PLXNA2: variants seen among roughly 807,000 people sequenced by gnomAD.
The protein encoded by PLXNA2 is plexin A2.
A neutral mutation model predicts 193.5 loss-of-function variants in PLXNA2; 91 were observed. That is an observed-to-expected ratio of 0.47 (90% CI 0.40 to 0.56). The LOEUF is 0.56. Ranked by LOEUF, PLXNA2 falls within the 20% of genes least tolerant of loss-of-function variation. The pLI is 0.00. For missense variants in PLXNA2, 1,995 were observed against 2,503.2 expected (o/e 0.80, Z 4.33); for synonymous variants, 997 against 1,027.3 (o/e 0.97, Z 0.56).
intron 1 of PLXNA2, among the ~76,000 whole-genome samples, chr1:208,240,930 C>T (rs1672031163): frequency 6.6e-6 from 1 of 152,150 alleles, no homozygotes; most frequent in Admixed American, 6.5e-5. Flanking sequence ...TTGCCTCCCC[C>T]ACACCAAACC....
chr1:208,190,933 A>G (rs190972564), intron 3 of PLXNA2, among the ~76,000 whole-genome samples: 2 of 152,310 alleles, frequency 1.3e-5, no homozygotes, highest in East Asian at 3.9e-4. Flanking sequence ...TGGACCCCAG[A>G]AGGTTGATGG....
intron 4 of PLXNA2, among the ~76,000 whole-genome samples, chr1:208,113,033 C>G (rs1667535722): frequency 7.0e-6 from 1 of 142,812 alleles, no homozygotes. Context: ...AACAGAGATG[C>G]TGATACTGTG....
intron 12 of PLXNA2, 46 bp from the exon 13 acceptor site, chr1:208,060,883 C>T (rs41283122): frequency 7.6e-6 from 12 of 1,584,934 alleles, no homozygotes; most frequent in Non-Finnish European, 1.0e-5. Flanking sequence ...GTCACAGGAA[C>T]AGAAACAGCA....
intron 24 of PLXNA2, 71 bp downstream of exon 24, chr1:208,039,550 T>G: frequency 6.3e-7 from 1 of 1,596,154 alleles, no homozygotes; most frequent in Non-Finnish European, 8.6e-7. Context: ...ACTGCTTTTA[T>G]GGACAGAAGG....
intron 12 of PLXNA2, among the ~76,000 whole-genome samples, chr1:208,077,577 C>G (rs1413758521): frequency 6.6e-6 from 1 of 152,168 alleles, no homozygotes; most frequent in East Asian, 1.9e-4. Flanking sequence ...GATGTAGAGA[C>G]TGACAACTGC....
intron 4 of PLXNA2, among the ~76,000 whole-genome samples, chr1:208,135,981 C>T (rs573753871): frequency 6.6e-5 from 10 of 152,172 alleles, no homozygotes; most frequent in Non-Finnish European, 1.5e-4. Flanking sequence ...TCAGCTGCCA[C>T]AAGCAAGAAT....
At chr1:208,140,216 G>C (rs915570402) in intron 4 of PLXNA2, among the ~76,000 whole-genome samples, 1 of 152,168 alleles carries the variant, frequency 6.6e-6, no homozygotes, top group Non-Finnish European at 1.5e-5. Context: ...CTCAGAGATG[G>C]CATCAGATAT....
chr1:208,202,790 T>C (rs1282169437), intron 3 of PLXNA2, among the ~76,000 whole-genome samples: 1 of 152,220 alleles, frequency 6.6e-6, no homozygotes, highest in Non-Finnish European at 1.5e-5. Flanking sequence ...CACAGTTCTC[T>C]GTGTTTCACC....
At position 208,025,473 on chromosome 1, in the gene PLXNA2, C is replaced by T. The variant is rs1238098159; in HGVS notation, c.*1770G>A. 6.6e-6 allele frequency: 1 copy of T among 152,392 alleles called. No individual in the cohort carries two copies. The highest frequency in any genetic ancestry group is 1.5e-5 in the Non-Finnish European group (1 of 68,164). The allele number at this position is 152,392 out of a possible 1,614,324, so 9.4% of individuals were successfully genotyped here. On this transcript the variant is annotated 3_prime_UTR_variant, in exon 32 of 32. Transcript: ENST00000367033. ...CAGCATCATAGCCTAGGATTCCTGA[C>T]CCTTTGAAAAGTGAGGAAGGGCAGC...
intron 13 of PLXNA2, among the ~76,000 whole-genome samples, 165 bp downstream of exon 13, chr1:208,060,521 G>C (rs1337474058): frequency 6.6e-6 from 1 of 152,180 alleles, no homozygotes; most frequent in Non-Finnish European, 1.5e-5. Context: ...CCTGAGGGTG[G>C]AGGTGAGGGA....
In PLXNA2 at chr1:208,239,317, T is replaced by A. The variant is rs75333806; in HGVS notation, c.-81+4326A>T. Among the ~76,000 whole-genome samples the A allele has an allele frequency of 9.2e-3, 1,401 of 152,236 alleles. 21 individuals are homozygous for A. Among genetic ancestry groups the A allele is most frequent in the African/African-American group, 0.032 (1,312 of 41,528 alleles). On this transcript the variant is annotated intron_variant, in intron 1 of 31. Coordinates refer to ENST00000367033, the MANE Select transcript of PLXNA2 (RefSeq NM_025179.4). ...CCCCTTCTGCCTGCAAGGCTCTCTT[T>A]CCCACTTTTCTCTTTGTGTTCACTC...
rs1249867 is a variant in PLXNA2, at chr1:208,199,496, T to G, written c.1371+10784A>C. ...TCACAAGGTCAGGAGATCGAGACCA[T>G]CCTGGCCAACATGTTGAAACCCCGT... On this transcript the variant is annotated intron_variant, in intron 3 of 31. Transcript: ENST00000367033. 3.3e-3 allele frequency among the ~76,000 whole-genome samples: 506 copies of G among 152,162 alleles called. 3 individuals carry two copies. Among genetic ancestry groups the G allele is most frequent in the Non-Finnish European group, 5.5e-3 (377 of 67,988 alleles).
chr1:208,031,684 G>C lies in PLXNA2; in HGVS notation c.5131C>G (p.Leu1711Val). Residue 1711 changes from leucine to valine, a missense_variant, in exon 29 of 32, where the codon CTG becomes GTG. Leu to Val is a conservative substitution (Grantham distance 32). This residue lies in a region of PLXNA2 where 1,291 missense variants were observed against 1,673.6 expected (regional missense o/e 0.77). Transcript: ENST00000367033. ...AAATCAAACATGTACTTGATGGCCA[G>C]GGGGAGAGCGCTGCCCCGGTGCACA... The part of the protein sequence containing the change: ...STVHRGSALP[L>V]AIKYMFDFLD... 2 of 1,613,762 alleles carry C rather than the reference G, an allele frequency of 1.2e-6. No homozygotes were observed. The highest frequency in any genetic ancestry group is 1.7e-6 in the Non-Finnish European group (2 of 1,179,918).
At chr1:208,101,248 C>G (rs1412225519) in intron 5 of PLXNA2, among the ~76,000 whole-genome samples, 1 of 152,128 alleles carries the variant, frequency 6.6e-6, no homozygotes, top group Non-Finnish European at 1.5e-5. Flanking sequence ...GGCTTCAATT[C>G]CCCCCAACCC....
chr1:208,160,221 C>G (rs984435310), intron 3 of PLXNA2, among the ~76,000 whole-genome samples: 2 of 151,256 alleles, frequency 1.3e-5, no homozygotes, highest in East Asian at 1.9e-4. Flanking sequence ...CAACCCCCCC[C>G]GCCCAGAAGT....
intron 17 of PLXNA2, among the ~76,000 whole-genome samples, chr1:208,049,610 C>A (rs553857656): frequency 1.3e-5 from 2 of 152,216 alleles, no homozygotes; most frequent in African/African-American, 4.8e-5. Flanking sequence ...GGCCTAGTTA[C>A]GAAGAGTCTG....
intron 3 of PLXNA2, among the ~76,000 whole-genome samples, chr1:208,192,826 G>T (rs1670225350): frequency 1.3e-5 from 2 of 151,796 alleles, no homozygotes; most frequent in South Asian, 4.2e-4. Flanking sequence ...GGTGGAGGGT[G>T]CAGTGAGCCG....
intron 1 of PLXNA2, among the ~76,000 whole-genome samples, chr1:208,228,053 G>A (rs1483108256): frequency 2.6e-5 from 4 of 152,126 alleles, no homozygotes; most frequent in African/African-American, 7.2e-5. Flanking sequence ...CTCAACTCTC[G>A]GTCCATGAAC....
At chr1:208,090,338 A>G (rs1183738297) in intron 9 of PLXNA2, among the ~76,000 whole-genome samples, 1 of 152,196 alleles carries the variant, frequency 6.6e-6, no homozygotes, top group African/African-American at 2.4e-5. Context: ...ACAGAAAATG[A>G]AACAAAAAGG....
Sources: gnomAD v4.1 joint callset for allele counts (sites outside exome capture counted in the v4.1 genomes callset) on GRCh38, gnomAD v4.1.1 for gene constraint, gnomAD v4.1.1 regional missense constraint, MANE v1.5 for transcripts, NCBI Gene and HGNC (gene_info 2026-07-23, HGNC 2026-07-21) for gene names.